The following NKAIN3 variants were observed in gnomAD, a reference collection of about 807,000 sequenced individuals.
NKAIN3 encodes sodium/potassium-transporting ATPase subunit beta-1-interacting protein 3.
NKAIN3 carries 25 observed loss-of-function variants against 30.2 expected under a neutral mutation model. The observed-to-expected ratio is 0.83, with a 90% CI of 0.60 to 1.16. The LOEUF (loss-of-function observed/expected upper bound fraction) is 1.16, where lower values mean the gene tolerates loss of function less well. Ranked by LOEUF, NKAIN3 falls within the 50% of genes most tolerant of loss-of-function variation. NKAIN3 has a pLI of 0.00. For synonymous variants in NKAIN3, 91 were observed against 89.6 expected (o/e 1.02, Z -0.09); for missense variants, 225 against 254.1 (o/e 0.89, Z 0.78).
chr8:62,452,610 T>C (rs1452223214), intron 1 of NKAIN3, among the ~76,000 whole-genome samples: 1 of 152,182 alleles, frequency 6.6e-6, no homozygotes, highest in Non-Finnish European at 1.5e-5. Context: ...ACAGTAATTA[T>C]GAGAAGGAGT....
At chr8:62,863,727 T>G (rs1820330118) in intron 4 of NKAIN3, 1 of 1,582,764 alleles carries the variant, frequency 6.3e-7, no homozygotes, top group African/African-American at 1.3e-5. Flanking sequence ...TTTACAACTT[T>G]CATTGCAACA....
At chr8:62,514,416 T>C (rs988297017) in intron 1 of NKAIN3, among the ~76,000 whole-genome samples, 26 of 152,176 alleles carry the variant, frequency 1.7e-4, no homozygotes, top group African/African-American at 6.0e-4. Flanking sequence ...AAATTATATA[T>C]AAGAACATCT....
chr8:62,795,323 A>G (rs1425351774), intron 4 of NKAIN3, among the ~76,000 whole-genome samples: 1 of 152,192 alleles, frequency 6.6e-6, no homozygotes. Flanking sequence ...GCTAAAATTG[A>G]GTTAGAGGTT....
Position 62,671,786 on chromosome 8 carries a change from G to T in NKAIN3, c.274-75146G>T, listed in dbSNP as rs1213090702. Among the ~76,000 whole-genome samples, 10 of 151,906 alleles carry T rather than the reference G, an allele frequency of 6.6e-5. No homozygotes were observed. In the East Asian group the frequency reaches 1.6e-3, roughly 24 times the overall value. ...TCTTGGTTTTTTTTCCTCCTTCTAT[G>T]GTATGTTCTTTAGGATAGCTTCCCA... On this transcript the variant is annotated intron_variant, in intron 3 of 6. Coordinates refer to ENST00000623646, the MANE Select transcript of NKAIN3 (RefSeq NM_001304533.3).
Position 62,292,960 on chromosome 8 carries a change from CTCACTTCATTTCAT to C in NKAIN3, c.54+43837_54+43850del, listed in dbSNP as rs548006648. On this transcript the variant is annotated intron_variant, in intron 1 of 6. Transcript: ENST00000623646. ...TACTCTTTTTTTTTAAACTTGTCTT[CTCACTTCATTTCAT>C]TCATTTGATCTTCGGTCATTGATAC... Among the ~76,000 whole-genome samples the C allele has an allele frequency of 4.9e-3, 747 of 152,180 alleles. 8 individuals carry two copies. The highest frequency in any genetic ancestry group is 0.017 in the African/African-American group (718 of 41,514).
At chr8:62,266,976 G>T (rs1040457163) in intron 1 of NKAIN3, among the ~76,000 whole-genome samples, 1 of 152,232 alleles carries the variant, frequency 6.6e-6, no homozygotes, top group East Asian at 1.9e-4. Context: ...GCTGTGCATT[G>T]CCACTTCAGT....
chr8:62,694,305 G>A (rs968386860), intron 3 of NKAIN3, among the ~76,000 whole-genome samples: 1 of 152,022 alleles, frequency 6.6e-6, no homozygotes, highest in African/African-American at 2.4e-5. Flanking sequence ...ATCAACTTCT[G>A]TCCATCAATG....
intron 1 of NKAIN3, among the ~76,000 whole-genome samples, chr8:62,322,929 A>G (rs1365650451): frequency 1.3e-5 from 2 of 152,236 alleles, no homozygotes; most frequent in Non-Finnish European, 2.9e-5. Flanking sequence ...TCCATATCAT[A>G]TGTCATCCAC....
At chr8:62,857,325 G>A (rs1049359976) in intron 4 of NKAIN3, among the ~76,000 whole-genome samples, 2 of 152,074 alleles carry the variant, frequency 1.3e-5, no homozygotes, top group African/African-American at 4.8e-5. Flanking sequence ...TATGTATCTT[G>A]GGGATAATCT....
chr8:62,503,301 G>C (rs921183704), intron 1 of NKAIN3, among the ~76,000 whole-genome samples: 1 of 152,194 alleles, frequency 6.6e-6, no homozygotes, highest in African/African-American at 2.4e-5. Context: ...GATTTCAAAA[G>C]AGGAGGGGGT....
intron 3 of NKAIN3, among the ~76,000 whole-genome samples, chr8:62,739,314 A>T (rs951748005): frequency 6.6e-6 from 1 of 152,168 alleles, no homozygotes; most frequent in African/African-American, 2.4e-5. Context: ...AGAATTATCT[A>T]TTTGTAAACT....
chr8:62,390,531 A>G (rs1817559360), intron 1 of NKAIN3, among the ~76,000 whole-genome samples: 1 of 152,142 alleles, frequency 6.6e-6, no homozygotes, highest in Non-Finnish European at 1.5e-5. Context: ...TTTATAATAG[A>G]ATGATTTATA....
chr8:62,918,513 T>G lies in NKAIN3; in HGVS notation c.532T>G (p.Phe178Val). 3 of 1,606,646 alleles carry G rather than the reference T, an allele frequency of 1.9e-6. No individual in the cohort carries two copies. The highest frequency in any genetic ancestry group is 2.6e-6 in the Non-Finnish European group (3 of 1,173,424). Residue 178 changes from phenylalanine to valine, a missense_variant and splice_region_variant, in exon 5 of 7, where the codon TTT (phenylalanine) becomes GTT (valine). Transcript: ENST00000623646. ...TATTTCCATGGAAGAAGAAGACACA[T>G]GTAAGTACTGTTTTCTCTCTCCCTG... ...ISISMEEEDT[F>V]DFIGGLDTHS...
rs143626570 is a variant in NKAIN3 at position 62,747,505 on chromosome 8, C to G, written c.471+376C>G. 1.7e-3 allele frequency among the ~76,000 whole-genome samples: 263 copies of G among 152,330 alleles called. 1 individual carries two copies. Among genetic ancestry groups the G allele is most frequent in the African/African-American group, 5.9e-3 (247 of 41,584 alleles). Reference sequence around the variant, plus strand: ...AGAGAAAGAAGGATGGAAACACCCACAGCCAATGGCTTGCTTGGTCTAATA... The same window carrying G: ...AGAGAAAGAAGGATGGAAACACCCAGAGCCAATGGCTTGCTTGGTCTAATA... On this transcript the variant is annotated intron_variant, in intron 4 of 6. Coordinates refer to ENST00000623646, the MANE Select transcript of NKAIN3 (RefSeq NM_001304533.3).
intron 5 of NKAIN3, among the ~76,000 whole-genome samples, chr8:62,998,328 T>G (rs1040210438): frequency 2.6e-5 from 4 of 151,724 alleles, no homozygotes; most frequent in Admixed American, 6.6e-5. Context: ...CAGGCTGGAG[T>G]GCAGTGGCCC....
intron 1 of NKAIN3, among the ~76,000 whole-genome samples, chr8:62,324,237 C>T (rs954652955): frequency 4.6e-5 from 7 of 152,014 alleles, no homozygotes; most frequent in Non-Finnish European, 8.8e-5. Flanking sequence ...TATAGGAACT[C>T]TGTACTTTCT....
chr8:62,791,085 T>C (rs1156640786), intron 4 of NKAIN3, among the ~76,000 whole-genome samples: 1 of 152,020 alleles, frequency 6.6e-6, no homozygotes, highest in Non-Finnish European at 1.5e-5. Flanking sequence ...GTCTTAAAAC[T>C]CCTCAAATCT....
chr8:62,343,361 T>G (rs1815815551), intron 1 of NKAIN3, among the ~76,000 whole-genome samples: 1 of 152,090 alleles, frequency 6.6e-6, no homozygotes, highest in African/African-American at 2.4e-5. Context: ...TGAGTTGTCA[T>G]TATTATTTTT....
chr8:62,528,249 T>TG (rs1356024901), intron 1 of NKAIN3, among the ~76,000 whole-genome samples: 1 of 145,252 alleles, frequency 6.9e-6, no homozygotes, highest in Non-Finnish European at 1.5e-5. Context: ...AGGGACAAAG[T>TG]GGGGCAAGAG....
Sources: gnomAD v4.1 joint callset for allele counts (sites outside exome capture counted in the v4.1 genomes callset) on GRCh38, gnomAD v4.1.1 for gene constraint, MANE v1.5 for transcripts, NCBI Gene and HGNC (gene_info 2026-07-23, HGNC 2026-07-21) for gene names.